Variants in BANP observed in about 807,000 individuals in gnomAD.
BANP encodes BTG3 associated nuclear protein.
BANP carries 11 observed loss-of-function variants against 68.1 expected under a neutral mutation model. The observed-to-expected ratio is 0.16, with a 90% confidence interval of 0.10 to 0.27. The LOEUF is 0.27. Ranked by LOEUF, BANP falls within the 10% of genes least tolerant of loss-of-function variation. The pLI is 1.00. For synonymous variants in BANP, 329 were observed against 303.2 expected (o/e 1.09, Z -0.88); for missense variants, 504 against 722.7 (o/e 0.70, Z 3.47).
chr16:87,968,927 T>C (rs1011205955), intron 1 of BANP, among the ~76,000 whole-genome samples: 2 of 152,212 alleles, frequency 1.3e-5, no homozygotes, highest in Non-Finnish European at 2.9e-5. Flanking sequence ...GGAAATATTA[T>C]TAGAGGATGA....
At chr16:88,068,153 C>T (rs1356452387) in intron 12 of BANP, among the ~76,000 whole-genome samples, 1 of 152,112 alleles carries the variant, frequency 6.6e-6, no homozygotes, top group African/African-American at 2.4e-5. Context: ...GCACTCGTCC[C>T]ACCTGTGGCC....
chr16:88,069,872 G>T (rs2089855424), intron 12 of BANP, among the ~76,000 whole-genome samples: 1 of 151,634 alleles, frequency 6.6e-6, no homozygotes, highest in Non-Finnish European at 1.5e-5. Context: ...AAATTATACT[G>T]AGTGTGCCTG....
At position 88,003,447 on chromosome 16, in the gene BANP, G is replaced by C. The variant is rs753530595; in HGVS notation, c.363-848G>C. 2 of 456,118 alleles carry C rather than the reference G, an allele frequency of 4.4e-6. No individual in the cohort carries two copies. Among genetic ancestry groups the C allele is most frequent in the Non-Finnish European group, 8.8e-6 (2 of 226,962 alleles). The allele number at this position is 456,118 out of a possible 1,614,324, so 28.3% of individuals were successfully genotyped here. A position where few individuals can be genotyped will look rare whatever the true frequency, so the allele number is the denominator to read the frequency against. Reference sequence around the variant, plus strand: ...AGTTTTATTGTCAGGTGATAATCACGTTGTGTTTCTAGTGCTAGTTCTTTC... The same window carrying C: ...AGTTTTATTGTCAGGTGATAATCACCTTGTGTTTCTAGTGCTAGTTCTTTC... On this transcript the variant is annotated intron_variant, in intron 4 of 13. Transcript: ENST00000682872. This position sits in a 1 kb window ranked among gnomAD's most constrained non-coding sequence, Gnocchi z 6.1.
chr16:87,951,556 C>A (rs552107560), intron 1 of BANP, 41 bp downstream of exon 1: 2 of 152,642 alleles, frequency 1.3e-5, no homozygotes, highest in African/African-American at 2.4e-5. Context: ...TCCGCCTCCC[C>A]CTTCCCGCGG....
chr16:88,056,459 C>G (rs199523862), intron 11 of BANP, among the ~76,000 whole-genome samples: 1 of 86,146 alleles, frequency 1.2e-5, no homozygotes, highest in African/African-American at 3.1e-5. Flanking sequence ...CGTATTCTCT[C>G]TCTTTTTTTT....
At chr16:88,055,148 T>C (rs2084671399) in intron 11 of BANP, among the ~76,000 whole-genome samples, 1 of 151,998 alleles carries the variant, frequency 6.6e-6, no homozygotes, top group Non-Finnish European at 1.5e-5. Context: ...CAGATGTAGC[T>C]AATGTTACCT....
intron 11 of BANP, among the ~76,000 whole-genome samples, chr16:88,046,145 C>T (rs1194354425): frequency 6.6e-6 from 1 of 152,262 alleles, no homozygotes; most frequent in African/African-American, 2.4e-5. Context: ...AGGAGTAACT[C>T]ATTTGAGTGA....
At chr16:87,951,741 C>G (rs1479353496) in intron 1 of BANP, among the ~76,000 whole-genome samples, 1 of 151,436 alleles carries the variant, frequency 6.6e-6, no homozygotes, top group Non-Finnish European at 1.5e-5. Context: ...TTCCGCACCC[C>G]CGGCCCCACC....
At chr16:87,998,751 T>TCTAGACAC (rs2068065071) in intron 4 of BANP, among the ~76,000 whole-genome samples, 1 of 137,154 alleles carries the variant, frequency 7.3e-6, no homozygotes, top group African/African-American at 2.8e-5. Flanking sequence ...TGCCTGTCTT[T>TCTAGACAC]CCAGACACCC....
chr16:88,076,156 C>T (rs1057269912), intron 13 of BANP, among the ~76,000 whole-genome samples: 1 of 152,208 alleles, frequency 6.6e-6, no homozygotes, highest in Non-Finnish European at 1.5e-5. Context: ...ATAGCTGCCC[C>T]GAAAATCCTT....
intron 8 of BANP, among the ~76,000 whole-genome samples, chr16:88,029,801 G>A (rs1227113289): frequency 6.6e-6 from 1 of 152,220 alleles, no homozygotes; most frequent in African/African-American, 2.4e-5. Context: ...GGGACAGGGA[G>A]ATACCGGGCA....
chr16:88,034,565 T>C (rs1455502337), intron 9 of BANP, among the ~76,000 whole-genome samples: 1 of 149,532 alleles, frequency 6.7e-6, no homozygotes, highest in African/African-American at 2.5e-5. Flanking sequence ...CCTGCCCTGT[T>C]GTGAGTGTAG....
chr16:88,042,444 T>G (rs1310182945), intron 11 of BANP, among the ~76,000 whole-genome samples: 1 of 152,152 alleles, frequency 6.6e-6, no homozygotes, highest in Non-Finnish European at 1.5e-5. Context: ...GGCCTCTGCT[T>G]TGCCAGCTGC....
chr16:88,047,391 G>A (rs1024091070), intron 11 of BANP, among the ~76,000 whole-genome samples: 5 of 152,216 alleles, frequency 3.3e-5, no homozygotes, highest in African/African-American at 7.2e-5. Flanking sequence ...TTTCATGCAC[G>A]TCAGTGAATG....
At chr16:87,960,960 C>G (rs2059012799) in intron 1 of BANP, among the ~76,000 whole-genome samples, 1 of 152,130 alleles carries the variant, frequency 6.6e-6, no homozygotes, top group Non-Finnish European at 1.5e-5. Flanking sequence ...CGAGAGCTCC[C>G]AATAAATCAG....
chr16:87,972,178 A>T (rs2061250002), intron 1 of BANP, among the ~76,000 whole-genome samples: 1 of 150,192 alleles, frequency 6.7e-6, no homozygotes, highest in Admixed American at 6.6e-5. Flanking sequence ...AGCTTTTTTC[A>T]TCTCTTTCAT....
At chr16:88,054,500 G>A (rs2084454079) in intron 11 of BANP, among the ~76,000 whole-genome samples, 1 of 151,632 alleles carries the variant, frequency 6.6e-6, no homozygotes, top group Non-Finnish European at 1.5e-5. Flanking sequence ...ATCACAGCAT[G>A]ACCTCTACCA....
intron 11 of BANP, among the ~76,000 whole-genome samples, chr16:88,060,619 C>T (rs1310709398): frequency 6.6e-6 from 1 of 152,176 alleles, no homozygotes; most frequent in African/African-American, 2.4e-5. Context: ...CTGGAGGGTG[C>T]GTGGAGGCAC....
intron 1 of BANP, among the ~76,000 whole-genome samples, chr16:87,953,107 G>T (rs1252090364): frequency 2.6e-5 from 4 of 151,998 alleles, no homozygotes; most frequent in Non-Finnish European, 5.9e-5. Flanking sequence ...TTATAGATGA[G>T]GTGACTAGGC....
Sources: allele counts gnomAD v4.1 joint callset (sites outside exome capture counted in the v4.1 genomes callset), GRCh38; gene constraint gnomAD v4.1.1; non-coding constraint Gnocchi (gnomAD v3.1); transcripts MANE v1.5; gene names NCBI Gene and HGNC (gene_info 2026-07-23, HGNC 2026-07-21).